The following UGT1A8 variants were observed in gnomAD, a reference collection of about 807,000 sequenced individuals.
UGT1A8 encodes the protein UDP glucuronosyltransferase family 1 member A8.
A neutral mutation model predicts 45.3 loss-of-function variants in UGT1A8; 39 were observed. That is an observed-to-expected ratio of 0.86 (90% confidence interval 0.67 to 1.12). The LOEUF (loss-of-function observed/expected upper bound fraction) is 1.12. UGT1A8 is among the 50% of genes most tolerant of loss of function. The pLI, the probability that UGT1A8 is intolerant of heterozygous loss-of-function variation, is 0.00. For synonymous variants in UGT1A8, 275 were observed against 249.2 expected, an observed-to-expected ratio of 1.10 and a Z score of -0.97; for missense variants, 719 against 664.9, an observed-to-expected ratio of 1.08 and a Z score of -0.90.
chr2:233,747,362 G>T lies in UGT1A8; in HGVS notation c.856-19672G>T. 4 of 1,603,780 alleles carry T rather than the reference G, an allele frequency of 2.5e-6. No homozygotes were observed. In the South Asian group the frequency reaches 4.4e-5, roughly 18 times the overall value. On this transcript the variant is annotated intron_variant, in intron 1 of 4. Coordinates refer to ENST00000373450, the MANE Select transcript of UGT1A8 (RefSeq NM_019076.5). ...CTCGCATGCGGGAGGCCGTGCGGGA[G>T]CTCCATGCCAGAGGCCACCAGGCGG...
At chr2:233,701,084 G>A (rs2075609519) in intron 1 of UGT1A8, among the ~76,000 whole-genome samples, 1 of 152,164 alleles carries the variant, frequency 6.6e-6, no homozygotes, top group African/African-American at 2.4e-5. Flanking sequence ...ATTCCATGGT[G>A]TATATGTGCC....
Position 233,618,172 on chromosome 2 carries a change from A to T in UGT1A8, c.465A>T (p.Leu155Phe). The T allele has an allele frequency of 6.2e-7, 1 of 1,613,974 alleles. No homozygotes were observed. The highest frequency in any genetic ancestry group is 8.5e-7 in the Non-Finnish European group (1 of 1,179,996). ...VFLDPFDACG[L>F]IVAKYFSLPS... ...TTGATCCTTTTGATGCCTGTGGCTT[A>T]ATTGTTGCCAAATATTTCTCCCTCC... The change falls in exon 1 of 5, where the codon TTA becomes TTT. Residue 155 changes from leucine (L) to phenylalanine (F), a missense_variant. By Grantham distance (22) the Leu-to-Phe change is conservative. Transcript: ENST00000373450.
At chr2:233,745,063 T>C (rs1693001663) in intron 1 of UGT1A8, among the ~76,000 whole-genome samples, 1 of 151,886 alleles carries the variant, frequency 6.6e-6, no homozygotes, top group African/African-American at 2.4e-5. Flanking sequence ...ATTTGTATTA[T>C]TTGTATTGTT....
At chr2:233,636,767 C>A (rs1407263257) in intron 1 of UGT1A8, 1 of 1,614,210 alleles carries the variant, frequency 6.2e-7, no homozygotes, top group South Asian at 1.1e-5. Context: ...ACCTCGTACA[C>A]TCTGGAAGAT....
At chr2:233,735,857 T>C (rs1229821549) in intron 1 of UGT1A8, among the ~76,000 whole-genome samples, 2 of 151,884 alleles carry the variant, frequency 1.3e-5, no homozygotes, top group African/African-American at 4.8e-5. Flanking sequence ...TTCTGTCTTG[T>C]AGGGTTTCTG....
chr2:233,746,228 CA>C (rs1693331108), intron 1 of UGT1A8, among the ~76,000 whole-genome samples: 1 of 151,630 alleles, frequency 6.6e-6, no homozygotes, highest in Non-Finnish European at 1.5e-5. Context: ...GACAGATATG[CA>C]AACTGCTAAA....
chr2:233,636,393 A>ATT (rs149250772), intron 1 of UGT1A8: 214,755 of 1,156,934 alleles, frequency 0.19, 3,277 homozygotes, highest in Non-Finnish European at 0.2. Flanking sequence ...AGTGAGTGTG[A>ATT]TTTTTTTTTT....
At chr2:233,705,822 G>A (rs1029113786) in intron 1 of UGT1A8, among the ~76,000 whole-genome samples, 1 of 152,156 alleles carries the variant, frequency 6.6e-6, no homozygotes, top group Admixed American at 6.6e-5. Context: ...ATTTCAGGCC[G>A]AGCACAGTGG....
intron 1 of UGT1A8, chr2:233,743,982 C>G (rs6735370): frequency 4.6e-6 from 6 of 1,297,000 alleles, no homozygotes; most frequent in East Asian, 9.6e-5. Flanking sequence ...AGCACCCAGG[C>G]GCAGGCCCGA....
At chr2:233,661,625 TTCTTTCTTTCTTTCTTTC>T (rs2073966465) in intron 1 of UGT1A8, among the ~76,000 whole-genome samples, 1 of 105,292 alleles carries the variant, frequency 9.5e-6, no homozygotes, top group Non-Finnish European at 2.2e-5. Context: ...TTACTGAATT[TTCTTTCTTTCTTTCTTTC>T]TTTCTTTCTT....
intron 1 of UGT1A8, chr2:233,747,117 G>A: frequency 1.4e-6 from 2 of 1,451,680 alleles, no homozygotes; most frequent in Admixed American, 2.0e-5. Context: ...ATGATGATTT[G>A]CTAAGTGGCT....
chr2:233,666,779 C>T (rs2074085323), intron 1 of UGT1A8, among the ~76,000 whole-genome samples: 1 of 151,038 alleles, frequency 6.6e-6, no homozygotes, highest in African/African-American at 2.4e-5. Flanking sequence ...AGGTATCTCT[C>T]CTAATGCTAT....
intron 1 of UGT1A8, among the ~76,000 whole-genome samples, chr2:233,710,285 G>C (rs2076123974): frequency 6.6e-6 from 1 of 152,194 alleles, no homozygotes; most frequent in Non-Finnish European, 1.5e-5. Context: ...ATACTTAAAA[G>C]TGGGATTGTT....
At chr2:233,725,486 A>G (rs1390783883) in intron 1 of UGT1A8, among the ~76,000 whole-genome samples, 10 of 152,080 alleles carry the variant, frequency 6.6e-5, no homozygotes, top group Non-Finnish European at 1.0e-4. Context: ...GAAACCAGCA[A>G]AAAGAAACCA....
chr2:233,732,012 G>A (rs1045878291), intron 1 of UGT1A8, among the ~76,000 whole-genome samples: 10 of 152,206 alleles, frequency 6.6e-5, no homozygotes, highest in Non-Finnish European at 1.0e-4. Flanking sequence ...TTGTGGTTTT[G>A]ATTTGCATTT....
intron 1 of UGT1A8, among the ~76,000 whole-genome samples, chr2:233,631,553 C>T (rs1197024092): frequency 1.3e-5 from 2 of 152,160 alleles, no homozygotes; most frequent in African/African-American, 4.8e-5. Flanking sequence ...GATGGTATCT[C>T]ATTGTGGTTT....
At chr2:233,659,371 A>G (rs2073921187) in intron 1 of UGT1A8, among the ~76,000 whole-genome samples, 1 of 152,242 alleles carries the variant, frequency 6.6e-6, no homozygotes, top group African/African-American at 2.4e-5. Flanking sequence ...ATGAACACAT[A>G]TTTGATATGC....
intron 3 of UGT1A8, 132 bp downstream of exon 3, chr2:233,768,068 A>G: frequency 1.3e-6 from 2 of 1,596,810 alleles, no homozygotes; most frequent in Admixed American, 3.5e-5. Flanking sequence ...CTTTTTATCT[A>G]GTGGGGTATC....
At chr2:233,671,495 A>G (rs532196493) in intron 1 of UGT1A8, among the ~76,000 whole-genome samples, 1 of 152,344 alleles carries the variant, frequency 6.6e-6, no homozygotes, top group South Asian at 2.1e-4. Flanking sequence ...TGCTTAGAGC[A>G]TGAGTTGCCA....
Sources: gnomAD v4.1 joint callset for allele counts (sites outside exome capture counted in the v4.1 genomes callset) on GRCh38, gnomAD v4.1.1 for gene constraint, MANE v1.5 for transcripts, NCBI Gene and HGNC (gene_info 2026-07-23, HGNC 2026-07-21) for gene names.